SLC35F3: variants seen among roughly 807,000 people sequenced by gnomAD.
SLC35F3 encodes the protein putative thiamine transporter SLC35F3.
In SLC35F3, 25 loss-of-function variants were observed where a neutral mutation model predicts 49.9. That is an observed-to-expected ratio of 0.50 (90% CI 0.37 to 0.70). The LOEUF (loss-of-function observed/expected upper bound fraction) is 0.70, where lower values mean the gene tolerates loss of function less well. Among genes scored for constraint, SLC35F3 ranks in the 30% least tolerant of loss-of-function variants. SLC35F3 has a pLI of 0.00. For missense variants in SLC35F3, 525 were observed against 639.8 expected (o/e 0.82, Z 1.94); for synonymous variants, 275 against 265.4 (o/e 1.04, Z -0.35).
At chr1:233,932,592 G>A (rs550605914) in intron 2 of SLC35F3, among the ~76,000 whole-genome samples, 1 of 152,270 alleles carries the variant, frequency 6.6e-6, no homozygotes, top group South Asian at 2.1e-4. Flanking sequence ...ATGCACGTAT[G>A]TAAGAATTCA....
chr1:234,182,792 T>A (rs973965788), intron 2 of SLC35F3, among the ~76,000 whole-genome samples: 1 of 152,200 alleles, frequency 6.6e-6, no homozygotes, highest in Admixed American at 6.5e-5. Flanking sequence ...TTAGTGCAGT[T>A]TTAAATTTCA....
At chr1:234,045,406 A>G (rs144732713) in intron 2 of SLC35F3, among the ~76,000 whole-genome samples, 28 of 152,318 alleles carry the variant, frequency 1.8e-4, no homozygotes, top group Middle Eastern at 3.4e-3. Flanking sequence ...TGATCTTTAT[A>G]TAGCAATCAT....
intron 2 of SLC35F3, among the ~76,000 whole-genome samples, chr1:234,190,255 T>A (rs1321440123): frequency 6.6e-6 from 1 of 152,178 alleles, no homozygotes; most frequent in Non-Finnish European, 1.5e-5. Flanking sequence ...CTAAATGCTC[T>A]GCTTAAAAAA....
rs141859914 is a variant in SLC35F3, at chr1:234,065,930, G to T, written c.283+160172G>T. Among the ~76,000 whole-genome samples, 933 of 152,290 alleles carry T rather than the reference G, an allele frequency of 6.1e-3. 9 individuals are homozygous for T. Among genetic ancestry groups the T allele is most frequent in the Non-Finnish European group, 9.5e-3 (647 of 68,028 alleles). ...AAATTTCAGTTGCGTTAAACACGGG[G>T]TGACGTTGTCGTGAGGTCAGTGAAT... On this transcript the variant is annotated intron_variant, in intron 2 of 7. Coordinates refer to ENST00000366618, the MANE Select transcript of SLC35F3 (RefSeq NM_173508.4).
intron 2 of SLC35F3, among the ~76,000 whole-genome samples, chr1:234,115,197 G>C (rs1665468601): frequency 6.6e-6 from 1 of 152,128 alleles, no homozygotes; most frequent in South Asian, 2.1e-4. Flanking sequence ...GGATGTGCAA[G>C]CTTTCTCTGC....
chr1:234,318,067 G>A (rs1448467506), intron 5 of SLC35F3, among the ~76,000 whole-genome samples: 2 of 152,200 alleles, frequency 1.3e-5, no homozygotes, highest in Non-Finnish European at 2.9e-5. Context: ...AAAAGTAAGA[G>A]AGACAACAAT....
intron 2 of SLC35F3, among the ~76,000 whole-genome samples, chr1:234,204,059 A>C (rs1194044379): frequency 6.6e-6 from 1 of 152,096 alleles, no homozygotes; most frequent in Non-Finnish European, 1.5e-5. Flanking sequence ...TTATTTTCTT[A>C]GCTGTCTTAT....
In SLC35F3 at chr1:234,008,375, G is replaced by A. The variant is rs74145772; in HGVS notation, c.283+102617G>A. Among the ~76,000 whole-genome samples the A allele has an allele frequency of 4.9e-3, 748 of 152,272 alleles. 6 individuals carry two copies. The highest frequency in any genetic ancestry group is 0.017 in the African/African-American group (727 of 41,548). ...TCCCTGTTATTTGCCTCTGTGTTAG[G>A]ACTGTATGCTCTGAATGAAAGAGAA... On this transcript the variant is annotated intron_variant, in intron 2 of 7. Transcript: ENST00000366618.
At chr1:234,303,446 C>T (rs548173798) in intron 3 of SLC35F3, among the ~76,000 whole-genome samples, 5 of 152,342 alleles carry the variant, frequency 3.3e-5, no homozygotes, top group South Asian at 2.1e-4. Context: ...CTCTCTTGCC[C>T]GTGTGGAGCT....
chr1:234,051,355 A>G (rs970549348), intron 2 of SLC35F3, among the ~76,000 whole-genome samples: 10 of 152,142 alleles, frequency 6.6e-5, no homozygotes, highest in African/African-American at 1.9e-4. Context: ...GGTCCTTCAC[A>G]TCCCTTCTAA....
intron 2 of SLC35F3, among the ~76,000 whole-genome samples, chr1:234,230,667 G>A (rs977438824): frequency 3.3e-5 from 5 of 152,192 alleles, no homozygotes; most frequent in Non-Finnish European, 7.3e-5. Flanking sequence ...CAAGCTTTGG[G>A]CTGCAGCCTG....
intron 3 of SLC35F3, chr1:234,285,609 T>C (rs1333891707): frequency 1.1e-5 from 3 of 267,106 alleles, no homozygotes; most frequent in Non-Finnish European, 2.2e-5. Context: ...ATTTGTGATA[T>C]TTTAATGATG....
chr1:234,069,163 T>G (rs1664675301), intron 2 of SLC35F3, among the ~76,000 whole-genome samples: 1 of 135,914 alleles, frequency 7.4e-6, no homozygotes, highest in Admixed American at 8.0e-5. Context: ...TAGACAATAA[T>G]ATATAATATA....
intron 2 of SLC35F3, among the ~76,000 whole-genome samples, chr1:234,150,175 G>A (rs560146762): frequency 1.8e-4 from 27 of 152,312 alleles, no homozygotes; most frequent in Non-Finnish European, 3.1e-4. Context: ...CTAATTGTCC[G>A]CATTTAAATT....
At chr1:234,116,521 A>T (rs61822409) in intron 2 of SLC35F3, among the ~76,000 whole-genome samples, 1,378 of 23,578 alleles carry the variant, frequency 0.058, 53 homozygotes, top group East Asian at 0.47. Flanking sequence ...TTATTTATTT[A>T]TTTATTTTGA....
At chr1:234,282,568 G>A (rs1210877829) in intron 3 of SLC35F3, among the ~76,000 whole-genome samples, 2 of 152,222 alleles carry the variant, frequency 1.3e-5, no homozygotes, top group African/African-American at 2.4e-5. Context: ...GACCAGGTGT[G>A]TCTCCCTCAA....
chr1:234,144,897 G>A (rs1456326060), intron 2 of SLC35F3, among the ~76,000 whole-genome samples: 1 of 152,182 alleles, frequency 6.6e-6, no homozygotes, highest in Non-Finnish European at 1.5e-5. Flanking sequence ...CAAGGAATAC[G>A]TGGTGTGGGA....
chr1:234,064,080 G>A (rs1664581789), intron 2 of SLC35F3, among the ~76,000 whole-genome samples: 1 of 152,160 alleles, frequency 6.6e-6, no homozygotes, highest in South Asian at 2.1e-4. Context: ...TGTCATGCTG[G>A]AAGTAGATAT....
Position 234,312,299 on chromosome 1 carries a change from C to T in SLC35F3, c.828+2979C>T, listed in dbSNP as rs149738524. ...GTGAGGGTCTTTAAACCAGGAGGGA[C>T]GGGGGAAGGAGCCAGAAGGTGAGCT... is the stretch of plus-strand genomic sequence containing the variant. On this transcript the variant is annotated intron_variant, in intron 4 of 7. Transcript: ENST00000366618. Among the ~76,000 whole-genome samples, 556 of 152,144 alleles carry T rather than the reference C, an allele frequency of 3.7e-3. 3 individuals are homozygous for T. The highest frequency in any genetic ancestry group is 6.1e-3 in the Non-Finnish European group (416 of 67,994).
Sources: allele counts gnomAD v4.1 joint callset (sites outside exome capture counted in the v4.1 genomes callset), GRCh38; gene constraint gnomAD v4.1.1; transcripts MANE v1.5; gene names NCBI Gene and HGNC (gene_info 2026-07-23, HGNC 2026-07-21).